The following SYNE2 variants were observed in gnomAD, a reference collection of about 807,000 sequenced individuals.
SYNE2 encodes the protein nesprin-2.
A neutral mutation model predicts 856.3 loss-of-function variants in SYNE2; 431 were observed. The ratio of observed to expected loss-of-function variants is 0.50; its 90% confidence interval spans 0.47 to 0.55. The LOEUF (loss-of-function observed/expected upper bound fraction) is 0.55. Ranked by LOEUF, SYNE2 falls within the 20% of genes least tolerant of loss-of-function variation. The pLI is 0.00. For synonymous variants in SYNE2, 2,923 were observed against 2,872.3 expected, an observed-to-expected ratio of 1.02 and a Z score of -0.56; for missense variants, 8,129 against 8,023.2, an observed-to-expected ratio of 1.01 and a Z score of -0.50.
chr14:63,909,388 T>G (rs2095445763), intron 2 of SYNE2, among the ~76,000 whole-genome samples, 161 bp downstream of exon 2: 1 of 152,104 alleles, frequency 6.6e-6, no homozygotes, highest in African/African-American at 2.4e-5. Flanking sequence ...TCTTTATTTC[T>G]GCCTTAGCTC....
rs186345248 is a variant in SYNE2, at chr14:63,995,774, T to C, written c.2940+572T>C. 4.8e-3 allele frequency among the ~76,000 whole-genome samples: 727 copies of C among 152,158 alleles called. 12 individuals carry two copies. The highest frequency in any genetic ancestry group is 0.017 in the African/African-American group (688 of 41,476). ...CTATCTATCTATCTATCTAGATATA[T>C]ATAAACAGATATAGATGTAGATATG... On this transcript the variant is annotated intron_variant, in intron 23 of 115. Transcript: ENST00000555002.
At chr14:64,040,299 T>G in intron 45 of SYNE2, among the ~76,000 whole-genome samples, 1 of 151,998 alleles carries the variant, frequency 6.6e-6, no homozygotes, top group African/African-American at 2.4e-5. Flanking sequence ...AATGCAGCAA[T>G]CTGAAAGATA....
At chr14:64,104,241 G>T (rs1469294385) in intron 64 of SYNE2, among the ~76,000 whole-genome samples, 1 of 151,988 alleles carries the variant, frequency 6.6e-6, no homozygotes, top group African/African-American at 2.4e-5. Context: ...CCTTTTATTA[G>T]TCCTAATCCT....
intron 1 of SYNE2, among the ~76,000 whole-genome samples, chr14:63,823,191 T>C (rs1889290531): frequency 6.6e-6 from 1 of 152,040 alleles, no homozygotes; most frequent in African/African-American, 2.4e-5. Context: ...TCTTTTTTTT[T>C]TTTTGAGACG....
chr14:64,224,660 C>A, intron 114 of SYNE2, 113 bp downstream of exon 114: 1 of 1,164,728 alleles, frequency 8.6e-7, no homozygotes, highest in Non-Finnish European at 1.3e-6. Context: ...CAGCACAGGT[C>A]TCTGCTGACC....
intron 1 of SYNE2, among the ~76,000 whole-genome samples, chr14:63,818,024 C>CAA (rs34186501): frequency 0.076 from 4,894 of 64,440 alleles, 329 homozygotes; most frequent in Admixed American, 0.096. Context: ...GACCCTTTCT[C>CAA]AAAAAAAAAA....
At chr14:64,100,247 G>A (rs571685463) in intron 63 of SYNE2, 22 of 151,586 alleles carry the variant, frequency 1.5e-4, no homozygotes, top group Admixed American at 1.1e-3. Flanking sequence ...ACCAAACACC[G>A]CATATTCTCA....
At chr14:63,995,261 T>A in intron 23 of SYNE2, 59 bp downstream of exon 23, 1 of 1,454,624 alleles carries the variant, frequency 6.9e-7, no homozygotes, top group Non-Finnish European at 9.6e-7. Context: ...TCTTAAATGG[T>A]TGTGTGTATC....
intron 107 of SYNE2, 98 bp downstream of exon 107, chr14:64,215,452 G>A (rs2098661754): frequency 3.4e-6 from 4 of 1,184,306 alleles, no homozygotes; most frequent in South Asian, 2.4e-5. Context: ...TCTGCCTTCT[G>A]TGGACACCAT....
At chr14:63,828,885 C>A (rs1889562499) in intron 1 of SYNE2, among the ~76,000 whole-genome samples, 1 of 151,868 alleles carries the variant, frequency 6.6e-6, no homozygotes, top group Admixed American at 6.6e-5. Context: ...TTTGCAGATA[C>A]CAAGGGAAGA....
intron 82 of SYNE2, among the ~76,000 whole-genome samples, chr14:64,142,299 A>G (rs184747484): frequency 6.6e-6 from 1 of 152,240 alleles, no homozygotes; most frequent in Admixed American, 6.5e-5. Context: ...ACCACAGGAC[A>G]ATCCAAGCAA....
At chr14:63,975,788 A>G (rs371367296) in intron 11 of SYNE2, among the ~76,000 whole-genome samples, 1 of 152,226 alleles carries the variant, frequency 6.6e-6, no homozygotes, top group Admixed American at 6.5e-5. Flanking sequence ...TAACCATCAC[A>G]TGGTCCTTCT....
chr14:63,949,644 G>A (rs759231331), intron 6 of SYNE2, among the ~76,000 whole-genome samples, 181 bp from the exon 7 acceptor site: 1 of 152,164 alleles, frequency 6.6e-6, no homozygotes, highest in Non-Finnish European at 1.5e-5. Context: ...TCCTTAGGAA[G>A]CAAAAGTGCA....
In SYNE2 at chr14:63,879,008, A is replaced by C. The variant is rs180843658; in HGVS notation, c.-52+25865A>C. 6.1e-3 allele frequency among the ~76,000 whole-genome samples: 925 copies of C among 152,288 alleles called. 30 individuals carry two copies. The highest frequency in any genetic ancestry group is 0.056 in the Admixed American group (850 of 15,282). On this transcript the variant is annotated intron_variant, in intron 1 of 115. Coordinates refer to ENST00000555002, the MANE Select transcript of SYNE2 (RefSeq NM_182914.3). ...GAGGTGGGAGGCTTGCTTGAGGCCA[A>C]GACCAGACTGGGCAACATAGCAAGA...
chr14:64,121,208 A>G, intron 68 of SYNE2, 147 bp downstream of exon 68: 1 of 1,123,630 alleles, frequency 8.9e-7, no homozygotes, highest in Non-Finnish European at 1.3e-6. Flanking sequence ...TGGGCAACAT[A>G]GCGAGACCCT....
At chr14:64,126,872 C>A in intron 73 of SYNE2, 65 bp downstream of exon 73, 1 of 1,452,340 alleles carries the variant, frequency 6.9e-7, no homozygotes, top group South Asian at 1.2e-5. Flanking sequence ...CCCCTAATGC[C>A]TATTCCTATT....
chr14:64,194,457 T>C (rs915112412), intron 99 of SYNE2, among the ~76,000 whole-genome samples: 1 of 152,166 alleles, frequency 6.6e-6, no homozygotes, highest in Non-Finnish European at 1.5e-5. Flanking sequence ...CATGCCCGGA[T>C]AGTTGTTTGC....
intron 9 of SYNE2, 55 bp from the exon 10 acceptor site, chr14:63,963,844 T>TA (rs945618016): frequency 2.1e-5 from 28 of 1,341,888 alleles, no homozygotes; most frequent in African/African-American, 1.6e-4. Flanking sequence ...ATTTTTTTGT[T>TA]AAAAAAACCA....
At chr14:64,078,653 A>AC in intron 55 of SYNE2, 47 bp downstream of exon 55, 1 of 1,606,732 alleles carries the variant, frequency 6.2e-7, no homozygotes, top group Non-Finnish European at 8.5e-7. Context: ...CTTCTGACCC[A>AC]CTCCTGCCTT....
Sources: allele counts gnomAD v4.1 joint callset (sites outside exome capture counted in the v4.1 genomes callset), GRCh38; gene constraint gnomAD v4.1.1; transcripts MANE v1.5; gene names NCBI Gene and HGNC (gene_info 2026-07-23, HGNC 2026-07-21).